Variants in GPBP1 observed in about 807,000 individuals in gnomAD.
GPBP1 encodes GC-rich promoter binding protein 1.
GPBP1 carries 13 observed loss-of-function variants against 56.5 expected under a neutral mutation model. The observed-to-expected ratio is 0.23, with a 90% CI of 0.15 to 0.37. GPBP1 has a LOEUF of 0.37. Among genes scored for constraint, GPBP1 ranks in the 10% least tolerant of loss-of-function variants. The pLI is 1.00. For synonymous variants in GPBP1, 204 were observed against 188.9 expected, an observed-to-expected ratio of 1.08 and a Z score of -0.66; for missense variants, 477 against 572.3, an observed-to-expected ratio of 0.83 and a Z score of 1.70.
chr5:57,200,049 T>C (rs142215856), intron 2 of GPBP1, among the ~76,000 whole-genome samples: 2,018 of 95,822 alleles, frequency 0.021, 22 homozygotes, highest in Non-Finnish European at 0.032. Context: ...TTTTTTTTTT[T>C]CTGAAACAAG....
At chr5:57,237,090 A>T in intron 6 of GPBP1, 1 of 1,517,714 alleles carries the variant, frequency 6.6e-7, no homozygotes, top group Non-Finnish European at 9.0e-7. Context: ...ATTGCAAATT[A>T]GTATTTCTAC....
chr5:57,214,664 T>A (rs569097672), intron 3 of GPBP1, among the ~76,000 whole-genome samples: 3 of 151,102 alleles, frequency 2.0e-5, no homozygotes, highest in African/African-American at 7.3e-5. Context: ...TCTATTAAAA[T>A]TTTTTTTTTG....
At chr5:57,187,149 T>C (rs1425261459) in intron 2 of GPBP1, among the ~76,000 whole-genome samples, 1 of 152,110 alleles carries the variant, frequency 6.6e-6, no homozygotes, top group Non-Finnish European at 1.5e-5. Context: ...TTTTCTAAAA[T>C]ATTTTATAGG....
intron 3 of GPBP1, 49 bp from the exon 4 acceptor site, chr5:57,230,797 A>G: frequency 1.3e-6 from 2 of 1,499,470 alleles, no homozygotes; most frequent in Non-Finnish European, 1.8e-6. Flanking sequence ...TAGTTTTTAA[A>G]GTTATATTTA....
chr5:57,185,632 C>T lies in GPBP1; in HGVS notation c.-58+9232C>T, dbSNP rs75506211. ...GAATTAGCATTATGTCTTTAATTTG[C>T]ATTTCCCTAATAATGATAGCATCTT... On this transcript the variant is annotated intron_variant, in intron 2 of 11. Coordinates refer to ENST00000506184, the MANE Select transcript of GPBP1 (RefSeq NM_022913.4). 1.6e-3 allele frequency among the ~76,000 whole-genome samples: 236 copies of T among 152,086 alleles called. 3 individuals carry two copies. In the East Asian group the frequency reaches 0.029, roughly 18 times the overall value.
At chr5:57,245,337 C>G (rs1032075115) in intron 6 of GPBP1, 1 of 152,144 alleles carries the variant, frequency 6.6e-6, no homozygotes, top group Non-Finnish European at 1.5e-5. Flanking sequence ...GAGCTTGAAT[C>G]CTCCCATGAA....
chr5:57,189,838 A>G (rs1161375474), intron 2 of GPBP1, among the ~76,000 whole-genome samples: 1 of 152,110 alleles, frequency 6.6e-6, no homozygotes, highest in East Asian at 1.9e-4. Flanking sequence ...TTACCTGAAC[A>G]CGAGACATTT....
chr5:57,210,799 ATGAC>A (rs1432613022), intron 2 of GPBP1, among the ~76,000 whole-genome samples: 2 of 152,166 alleles, frequency 1.3e-5, no homozygotes, highest in Non-Finnish European at 2.9e-5. Flanking sequence ...TGGCTTGTAA[ATGAC>A]TGCCTGCTTG....
At chr5:57,184,135 G>C (rs1419881977) in intron 2 of GPBP1, among the ~76,000 whole-genome samples, 1 of 152,082 alleles carries the variant, frequency 6.6e-6, no homozygotes, top group Non-Finnish European at 1.5e-5. Flanking sequence ...GGGAGGCTGA[G>C]GCAGGAGAAT....
chr5:57,182,025 T>C (rs372866770), intron 2 of GPBP1, among the ~76,000 whole-genome samples: 2 of 152,188 alleles, frequency 1.3e-5, no homozygotes, highest in African/African-American at 2.4e-5. Flanking sequence ...TCTTTAGTTA[T>C]TATTTTGTTC....
intron 2 of GPBP1, among the ~76,000 whole-genome samples, chr5:57,192,708 ACG>A: frequency 7.1e-6 from 1 of 140,596 alleles, no homozygotes; most frequent in East Asian, 2.1e-4. Flanking sequence ...AGCTGCGATC[ACG>A]CCATTGCACT....
At chr5:57,186,485 T>C (rs919024381) in intron 2 of GPBP1, among the ~76,000 whole-genome samples, 13 of 152,148 alleles carry the variant, frequency 8.5e-5, no homozygotes, top group Non-Finnish European at 1.5e-5. Context: ...TCTCCTGTCT[T>C]GTAGAAGTTG....
At chr5:57,180,906 T>C (rs1413690049) in intron 2 of GPBP1, among the ~76,000 whole-genome samples, 1 of 152,198 alleles carries the variant, frequency 6.6e-6, no homozygotes, top group Admixed American at 6.6e-5. Context: ...CACGCCCAGC[T>C]AATTTTTGAA....
chr5:57,216,582 G>T (rs1755706818), intron 3 of GPBP1, among the ~76,000 whole-genome samples: 4 of 152,130 alleles, frequency 2.6e-5, no homozygotes, highest in Middle Eastern at 3.4e-3. Flanking sequence ...AATTAGCTAG[G>T]TGCGGTGGCA....
intron 2 of GPBP1, among the ~76,000 whole-genome samples, chr5:57,177,033 AAG>A (rs926183589): frequency 6.6e-6 from 1 of 152,230 alleles, no homozygotes; most frequent in African/African-American, 2.4e-5. Context: ...CTTTCAAAAA[AAG>A]AGGGTATTAC....
chr5:57,206,141 C>T (rs1580004303), intron 2 of GPBP1, among the ~76,000 whole-genome samples: 6 of 152,150 alleles, frequency 3.9e-5, no homozygotes, highest in African/African-American at 1.4e-4. Context: ...GGATACTAGA[C>T]CTTATTAGAT....
At position 57,176,055 on chromosome 5, in the gene GPBP1, T is replaced by C. The variant is rs1753779073; in HGVS notation, c.-403T>C. 1 of 398,572 alleles carries C rather than the reference T, an allele frequency of 2.5e-6. No individual in the cohort carries two copies. Among genetic ancestry groups the C allele is most frequent in the Admixed American group, 4.4e-5 (1 of 22,732 alleles). The allele number at this position is 398,572 out of a possible 1,614,324, so 24.7% of individuals were successfully genotyped here. On this transcript the variant is annotated 5_prime_UTR_variant, in exon 2 of 12. It removes an upstream start codon present in the reference 5' UTR. Transcript: ENST00000506184. ...CTCTGTATATGCTGATGTTTAGGAA[T>C]GCTCTTCAGATGTGAAATTTTCTTT...
chr5:57,204,995 T>C (rs1755169379), intron 2 of GPBP1, among the ~76,000 whole-genome samples: 2 of 152,220 alleles, frequency 1.3e-5, no homozygotes, highest in Admixed American at 1.3e-4. Flanking sequence ...ACTTAAAGCA[T>C]ACAATTCATT....
intron 2 of GPBP1, among the ~76,000 whole-genome samples, chr5:57,186,769 C>T (rs1754305236): frequency 6.6e-6 from 1 of 152,208 alleles, no homozygotes; most frequent in East Asian, 1.9e-4. Context: ...CAGAGTCTCA[C>T]TGTGTTGCCC....
Sources: gnomAD v4.1 joint callset for allele counts (sites outside exome capture counted in the v4.1 genomes callset) on GRCh38, gnomAD v4.1.1 for gene constraint, MANE v1.5 for transcripts, NCBI Gene and HGNC (gene_info 2026-07-23, HGNC 2026-07-21) for gene names.